Variants in AP3S2 observed in about 807,000 individuals in gnomAD.
AP3S2 encodes AP-3 complex subunit sigma-2.
A neutral mutation model predicts 23.4 loss-of-function variants in AP3S2; 22 were observed. The ratio of observed to expected loss-of-function variants is 0.94; its 90% CI spans 0.67 to 1.34. AP3S2 has a LOEUF of 1.34. Among genes scored for constraint, AP3S2 ranks in the 40% most tolerant of loss-of-function variants. AP3S2 has a pLI of 0.00. For synonymous variants in AP3S2, 86 were observed against 87.1 expected, an observed-to-expected ratio of 0.99 and a Z score of 0.07; for missense variants, 241 against 236.9, an observed-to-expected ratio of 1.02 and a Z score of -0.11.
intron 4 of AP3S2, among the ~76,000 whole-genome samples, chr15:89,860,534 T>C (rs1322322453): frequency 1.3e-5 from 2 of 152,194 alleles, no homozygotes. Flanking sequence ...CAGAATGGCA[T>C]GCAATTTAAA....
At position 89,843,657 on chromosome 15, in the gene AP3S2, G is replaced by C. The variant is rs1437724866; in HGVS notation, c.346-5935C>G. On this transcript the variant is annotated intron_variant, in intron 4 of 5. Transcript: ENST00000336418. ...CTCAGAAAAAAACAAACAAACAAAA[G>C]TTAGCTGGGCAGAAGTGGCATGTGC... Among the ~76,000 whole-genome samples the C allele has an allele frequency of 2.0e-5, 3 of 151,856 alleles. No individual in the cohort carries two copies. The East Asian group carries it at 5.8e-4, about 30-fold the overall frequency.
At position 89,888,548 on chromosome 15, in the gene AP3S2, ACT is replaced by A. The variant is rs1896749870; in HGVS notation, c.244_245del (p.Ser82Ter). Reference protein sequence around the residue: ...YFVFCVDSSESELGILDLIQV... With the variant: ...YFVFCVDSSEXELGILDLIQV... ...GGATGAGGTCCAAGATTCCAAGTTC[ACT>A]CTCTGAGGAATCCACACAAAATACA... On this transcript the variant is annotated frameshift_variant, in exon 3 of 6. Coordinates refer to ENST00000336418, the MANE Select transcript of AP3S2 (RefSeq NM_005829.5). LOFTEE classifies it high-confidence loss of function. 6.2e-7 allele frequency: 1 copy of A among 1,613,978 alleles called. No homozygotes were observed.
At chr15:89,857,497 G>A (rs1489092592) in intron 4 of AP3S2, among the ~76,000 whole-genome samples, 1 of 152,118 alleles carries the variant, frequency 6.6e-6, no homozygotes, top group Non-Finnish European at 1.5e-5. Context: ...GGAGGCACTC[G>A]CCTCCCACAT....
intron 3 of AP3S2, among the ~76,000 whole-genome samples, chr15:89,886,286 G>C (rs969930872): frequency 2.0e-5 from 3 of 151,962 alleles, no homozygotes; most frequent in Admixed American, 1.3e-4. Context: ...CGGAGGTTGT[G>C]GTGAGCTGAG....
At chr15:89,848,969 C>T (rs1299496428) in intron 4 of AP3S2, 1 of 152,184 alleles carries the variant, frequency 6.6e-6, no homozygotes, top group African/African-American at 2.4e-5. Flanking sequence ...CTCGTACTTT[C>T]ATTCCAAAGT....
intron 4 of AP3S2, among the ~76,000 whole-genome samples, chr15:89,840,220 C>T (rs1170238483): frequency 6.6e-6 from 1 of 152,182 alleles, no homozygotes; most frequent in African/African-American, 2.4e-5. Flanking sequence ...CTATATGTTA[C>T]ATATTTTACC....
intron 3 of AP3S2, among the ~76,000 whole-genome samples, chr15:89,884,740 C>CA (rs762487976): frequency 1.6e-4 from 24 of 151,954 alleles, no homozygotes; most frequent in Non-Finnish European, 2.5e-4. Flanking sequence ...CTCCGCCTCC[C>CA]AGCTCAAGCG....
intron 4 of AP3S2, among the ~76,000 whole-genome samples, chr15:89,856,720 A>T (rs1398198266): frequency 5.5e-5 from 8 of 145,752 alleles, no homozygotes; most frequent in South Asian, 2.1e-4. Flanking sequence ...AAAAAAAAAA[A>T]ATATTCGCTG....
intron 4 of AP3S2, among the ~76,000 whole-genome samples, chr15:89,839,412 C>A (rs190836186): frequency 7.3e-4 from 111 of 152,302 alleles, no homozygotes; most frequent in Middle Eastern, 6.8e-3. Flanking sequence ...CACACTCTCA[C>A]GAGGTGTTCT....
intron 4 of AP3S2, among the ~76,000 whole-genome samples, chr15:89,867,809 C>T (rs1364335399): frequency 2.3e-5 from 3 of 130,652 alleles, no homozygotes; most frequent in Non-Finnish European, 3.3e-5. Flanking sequence ...GGAGCCCCTC[C>T]GCCCGGCAGC....
chr15:89,877,475 A>G (rs1896469763), intron 3 of AP3S2: 8 of 1,019,052 alleles, frequency 7.9e-6, no homozygotes, highest in Admixed American at 2.3e-5. Context: ...CCATTTTTTA[A>G]GTGTACAATT....
At chr15:89,855,945 T>TAAAAAAAAAAAAAAA (rs34784306) in intron 4 of AP3S2, among the ~76,000 whole-genome samples, 2 of 111,988 alleles carry the variant, frequency 1.8e-5, no homozygotes, top group African/African-American at 3.4e-5. Context: ...ATATGTCCTT[T>TAAAAAAAAAAAAAAA]AAAAAAAAAA....
intron 2 of AP3S2, among the ~76,000 whole-genome samples, 177 bp from the exon 3 acceptor site, chr15:89,888,809 T>C (rs1490498635): frequency 6.6e-6 from 1 of 152,214 alleles, no homozygotes; most frequent in Non-Finnish European, 1.5e-5. Flanking sequence ...AAAGCCACCT[T>C]ACCTCACCTC....
intron 4 of AP3S2, among the ~76,000 whole-genome samples, chr15:89,844,211 CTTT>C (rs1895409425): frequency 2.1e-4 from 2 of 9,566 alleles, no homozygotes; most frequent in African/African-American, 6.3e-4. Context: ...CTTTCTTTCT[CTTT>C]CTTTCTTTCT....
At chr15:89,884,241 G>A (rs1256998650) in intron 3 of AP3S2, among the ~76,000 whole-genome samples, 1 of 152,010 alleles carries the variant, frequency 6.6e-6, no homozygotes, top group Non-Finnish European at 1.5e-5. Flanking sequence ...TATTATATTA[G>A]TTTTTCTTAC....
intron 4 of AP3S2, among the ~76,000 whole-genome samples, chr15:89,870,243 A>C (rs1896287288): frequency 1.3e-5 from 2 of 152,154 alleles, no homozygotes; most frequent in South Asian, 4.1e-4. Context: ...AGTACAAAAC[A>C]ACTCTAAGTG....
At chr15:89,893,045 T>C (rs1896855750) in intron 1 of AP3S2, 2 of 152,330 alleles carry the variant, frequency 1.3e-5, no homozygotes, top group Admixed American at 6.5e-5. Context: ...GGAGTAAAAT[T>C]ATTTTTTCAT....
chr15:89,859,213 TTC>T (rs1292919996), intron 4 of AP3S2, among the ~76,000 whole-genome samples: 3 of 150,748 alleles, frequency 2.0e-5, no homozygotes, highest in Non-Finnish European at 3.0e-5. Flanking sequence ...CTTGCTTCCT[TTC>T]TCTTTCTTTC....
chr15:89,856,460 G>A (rs1205563564), intron 4 of AP3S2, among the ~76,000 whole-genome samples: 2 of 152,076 alleles, frequency 1.3e-5, no homozygotes, highest in Non-Finnish European at 2.9e-5. Flanking sequence ...CAGCACTTTG[G>A]GAGGCCGAGG....
Sources: allele counts gnomAD v4.1 joint callset (sites outside exome capture counted in the v4.1 genomes callset), GRCh38; gene constraint gnomAD v4.1.1; transcripts MANE v1.5; gene names NCBI Gene and HGNC (gene_info 2026-07-23, HGNC 2026-07-21).